The following ESR1 variants were observed in gnomAD, a reference collection of about 807,000 sequenced individuals.
The protein encoded by ESR1 is estrogen receptor 1.
In ESR1, 12 loss-of-function variants were observed where a neutral mutation model predicts 52.7. The ratio of observed to expected loss-of-function variants is 0.23; its 90% confidence interval spans 0.15 to 0.37. ESR1 has a LOEUF of 0.37. Ranked by LOEUF, ESR1 falls within the 10% of genes least tolerant of loss-of-function variation. The pLI is 1.00. For missense variants in ESR1, 584 were observed against 779.7 expected, an observed-to-expected ratio of 0.75 and a Z score of 2.99; for synonymous variants, 305 against 316.8, an observed-to-expected ratio of 0.96 and a Z score of 0.39.
intron 4 of ESR1, among the ~76,000 whole-genome samples, chr6:151,967,353 G>T (rs566492047): frequency 2.0e-5 from 3 of 152,182 alleles, no homozygotes; most frequent in East Asian, 1.9e-4. Flanking sequence ...CCCCTTGACA[G>T]GTCCCAGTGT....
intron 4 of ESR1, among the ~76,000 whole-genome samples, chr6:151,994,871 A>C (rs2041338029): frequency 6.6e-6 from 1 of 152,188 alleles, no homozygotes; most frequent in South Asian, 2.1e-4. Context: ...CATTTGAGAA[A>C]TTATCATTGG....
intron 3 of ESR1, among the ~76,000 whole-genome samples, chr6:151,902,381 T>C (rs571908059): frequency 6.6e-6 from 1 of 152,314 alleles, no homozygotes; most frequent in African/African-American, 2.4e-5. Context: ...GTTAAAGTCG[T>C]ACCCATCCTA....
chr6:152,025,095 C>A (rs559514938), intron 5 of ESR1, among the ~76,000 whole-genome samples: 1 of 151,398 alleles, frequency 6.6e-6, no homozygotes, highest in South Asian at 2.1e-4. Context: ...ATAGGAATTT[C>A]TGAATTATTA....
At chr6:151,960,971 G>C (rs1263853258) in intron 4 of ESR1, among the ~76,000 whole-genome samples, 1 of 152,156 alleles carries the variant, frequency 6.6e-6, no homozygotes, top group Non-Finnish European at 1.5e-5. Flanking sequence ...ATTTTGTCCT[G>C]AACAATGATA....
Position 151,658,330 on chromosome 6 carries a change from C to T in ESR1, n.73+1567C>T, listed in dbSNP as rs538038960. On this transcript the variant is annotated intron_variant and non_coding_transcript_variant, in intron 1 of 2. Transcript: ENST00000473497. The stretch of plus-strand genomic sequence containing the variant: ...CATGTCATTTTTGTGAAATAGCTCA[C>T]GAAAGTACTTATTGATTCTGAAATC... 5.3e-5 allele frequency among the ~76,000 whole-genome samples: 8 copies of T among 152,336 alleles called. No individual in the cohort carries two copies. The South Asian group carries it at 1.2e-3, about 24-fold the overall frequency.
chr6:151,771,597 G>T (rs1221607078), intron 2 of ESR1, among the ~76,000 whole-genome samples: 1 of 152,174 alleles, frequency 6.6e-6, no homozygotes, highest in Non-Finnish European at 1.5e-5. Flanking sequence ...ATATCATGGA[G>T]TGAAAAACAG....
intron 5 of ESR1, among the ~76,000 whole-genome samples, chr6:152,023,379 A>G (rs887340166): frequency 4.6e-5 from 7 of 152,184 alleles, no homozygotes; most frequent in African/African-American, 1.7e-4. Context: ...ATCCAAATTC[A>G]GTAGTTATTA....
chr6:151,681,569 T>G (rs1562326197), intron 1 of ESR1, among the ~76,000 whole-genome samples: 1 of 151,928 alleles, frequency 6.6e-6, no homozygotes, highest in Non-Finnish European at 1.5e-5. Context: ...GCAACACTTT[T>G]CTCCAGGAAA....
At chr6:151,922,021 T>C (rs1399139841) in intron 3 of ESR1, among the ~76,000 whole-genome samples, 1 of 152,160 alleles carries the variant, frequency 6.6e-6, no homozygotes, top group African/African-American at 2.4e-5. Flanking sequence ...CCTGTGCCTA[T>C]ATATTTATTG....
At chr6:151,732,207 C>G (rs1163768331) in intron 2 of ESR1, among the ~76,000 whole-genome samples, 1 of 152,170 alleles carries the variant, frequency 6.6e-6, no homozygotes, top group Non-Finnish European at 1.5e-5. Flanking sequence ...AAAATTGCCA[C>G]TATAAATAGC....
intron 4 of ESR1, among the ~76,000 whole-genome samples, chr6:151,957,020 G>T (rs1233690890): frequency 6.9e-6 from 1 of 144,740 alleles, no homozygotes; most frequent in Non-Finnish European, 1.5e-5. Flanking sequence ...GGGACTACAG[G>T]TGCCCGCCAC....
In ESR1 at chr6:151,843,205, G is replaced by GCCTTGTC. The variant is rs1337999302; in HGVS notation, c.643+420_643+426dup. Among the ~76,000 whole-genome samples, 3 of 152,090 alleles carry GCCTTGTC rather than the reference G, an allele frequency of 2.0e-5. No individual in the cohort carries two copies. In the East Asian group the frequency reaches 5.8e-4, roughly 29 times the overall value. ...CATGCATAATTATCTCTCTACTCAGGCCTTGTCCAGGCAAATATTCTGTTT... is the reference window on the plus strand; with the variant it reads ...CATGCATAATTATCTCTCTACTCAGGCCTTGTCCCTTGTCCAGGCAAATATTCTGTTT... On this transcript the variant is annotated intron_variant, in intron 2 of 7. Coordinates refer to ENST00000206249, the MANE Select transcript of ESR1 (RefSeq NM_000125.4).
intron 1 of ESR1, among the ~76,000 whole-genome samples, chr6:151,676,076 A>C (rs1778240648): frequency 6.6e-6 from 1 of 152,218 alleles, no homozygotes; most frequent in South Asian, 2.1e-4. Context: ...CATAAAGATG[A>C]GACTGCAGAG....
intron 1 of ESR1, among the ~76,000 whole-genome samples, chr6:151,814,996 A>G (rs375483596): frequency 5.9e-5 from 9 of 152,256 alleles, no homozygotes; most frequent in African/African-American, 1.9e-4. Context: ...CACTTAATCA[A>G]CAAAAACAAA....
upstream of ESR1, among the ~76,000 whole-genome samples, chr6:151,688,006 T>C (rs1179944412): frequency 2.0e-5 from 3 of 152,204 alleles, no homozygotes; most frequent in African/African-American, 7.2e-5. Context: ...AAATTGTTGT[T>C]TTCTTCTTTT....
rs58501088 is a variant in ESR1, at chr6:151,958,973, C to CGTGTGTGTGTGTGTGTGTGTGTGTGT, written c.1096+14486_1096+14487insTGTGTGTGTGTGTGTGTGTGTGTGTG. Among the ~76,000 whole-genome samples the CGTGTGTGTGTGTGTGTGTGTGTGTGT allele has an allele frequency of 4.9e-3, 729 of 148,826 alleles. 9 individuals carry two copies. Among genetic ancestry groups the CGTGTGTGTGTGTGTGTGTGTGTGTGT allele is most frequent in the African/African-American group, 0.016 (662 of 40,462 alleles). On this transcript the variant is annotated intron_variant, in intron 4 of 7. Transcript: ENST00000206249. Reference sequence around the variant, plus strand: ...CTTCCATTGGAAGAGAAAAAGTTTCCGTGTGTGTGTGTGTGTGTGTGCGTG... The same window carrying CGTGTGTGTGTGTGTGTGTGTGTGTGT: ...CTTCCATTGGAAGAGAAAAAGTTTCCGTGTGTGTGTGTGTGTGTGTGTGTGTGTGTGTGTGTGTGTGTGTGTGCGTG...
chr6:152,092,150 TC>T (rs1470797357), intron 6 of ESR1, among the ~76,000 whole-genome samples: 1 of 152,234 alleles, frequency 6.6e-6, no homozygotes, highest in East Asian at 1.9e-4. Context: ...TGCCCATTTT[TC>T]TGATAGACAC....
intron 2 of ESR1, among the ~76,000 whole-genome samples, chr6:151,732,062 A>C (rs560416744): frequency 6.6e-6 from 1 of 152,294 alleles, no homozygotes; most frequent in Admixed American, 6.5e-5. Context: ...TTTACTCTGA[A>C]AATCTTTCTG....
chr6:151,712,357 GT>G, intron 2 of ESR1, among the ~76,000 whole-genome samples: 1 of 152,242 alleles, frequency 6.6e-6, no homozygotes, highest in Middle Eastern at 3.4e-3. Context: ...ATTTAAAGTA[GT>G]TTTTTCTAAT....
Sources: gnomAD v4.1 joint callset for allele counts (sites outside exome capture counted in the v4.1 genomes callset) on GRCh38, gnomAD v4.1.1 for gene constraint, MANE v1.5 for transcripts, NCBI Gene and HGNC (gene_info 2026-07-23, HGNC 2026-07-21) for gene names.